The following NBEA variants were observed in gnomAD, a reference collection of about 807,000 sequenced individuals.
NBEA encodes the protein neurobeachin, also known as lysosomal-trafficking regulator 2.
Under a neutral mutation model 343.4 loss-of-function variants are expected in NBEA, and 44 were observed. The ratio of observed to expected loss-of-function variants is 0.13; its 90% confidence interval spans 0.10 to 0.16. The LOEUF (loss-of-function observed/expected upper bound fraction) is 0.16. Among genes scored for constraint, NBEA ranks in the 10% least tolerant of loss-of-function variants. The pLI, the probability that NBEA is intolerant of heterozygous loss-of-function variation, is 1.00. For missense variants in NBEA, 2,555 were observed against 3,631.3 expected (o/e 0.70, Z 7.62); for synonymous variants, 1,175 against 1,238.7 (o/e 0.95, Z 1.08).
chr13:35,360,923 CA>C lies in NBEA; in HGVS notation c.6179+8601del, dbSNP rs564577368. ...GAAGAAGAGGAGAAAGAAATTGGTA[CA>C]GAAACATTATTTACAGAAAAAATGG... On this transcript the variant is annotated intron_variant, in intron 38 of 58. Coordinates refer to ENST00000379939, the MANE Select transcript of NBEA (RefSeq NM_001385012.1). Among the ~76,000 whole-genome samples, 828 of 151,942 alleles carry C rather than the reference CA, an allele frequency of 5.4e-3. 2 individuals carry two copies. The highest frequency in any genetic ancestry group is 8.8e-3 in the Non-Finnish European group (594 of 67,876).
chr13:35,111,842 TGCGTGCTCACAATA>T (rs917750420), intron 13 of NBEA, among the ~76,000 whole-genome samples: 4 of 152,004 alleles, frequency 2.6e-5, no homozygotes, highest in African/African-American at 9.7e-5. Context: ...TACTTCCTTT[TGCGTGCTCACAATA>T]GCATTGAATA....
chr13:35,420,052 T>G (rs894496280), intron 38 of NBEA, among the ~76,000 whole-genome samples: 2 of 152,028 alleles, frequency 1.3e-5, no homozygotes, highest in Admixed American at 6.6e-5. Context: ...ACATAGACAG[T>G]CATGTTATCT....
chr13:35,436,525 A>G lies in NBEA; in HGVS notation c.6304+4132A>G, dbSNP rs544831302. 8.7e-4 allele frequency among the ~76,000 whole-genome samples: 133 copies of G among 152,246 alleles called. 2 individuals carry two copies. The highest frequency in any genetic ancestry group is 6.8e-3 in the Middle Eastern group (2 of 294). On this transcript the variant is annotated intron_variant, in intron 39 of 58. Transcript: ENST00000379939. ...GGAGATCAAGACCATCCTGGCTAAC[A>G]TGGTGAAACCCTGTCTCTACTAAAA...
rs369578899 is a variant in NBEA, at chr13:35,471,972, G to A, written c.6449-428G>A. ...CTTCTCGTCCTCTCGCCTCTCCTTG[G>A]GGAGCGCCGCTGCTGAGTGGAACGG... On this transcript the variant is annotated intron_variant, in intron 40 of 58. Coordinates refer to ENST00000379939, the MANE Select transcript of NBEA (RefSeq NM_001385012.1). 7.0e-4 allele frequency among the ~76,000 whole-genome samples: 107 copies of A among 152,190 alleles called. 2 individuals are homozygous for A. The South Asian group carries it at 0.022, about 31-fold the overall frequency.
chr13:35,312,404 C>T (rs1454222931), intron 36 of NBEA, among the ~76,000 whole-genome samples: 2 of 152,194 alleles, frequency 1.3e-5, no homozygotes, highest in South Asian at 2.1e-4. Context: ...AGAGGACTAG[C>T]GGCAAGAGAA....
At chr13:34,970,693 G>A (rs972566920) in intron 1 of NBEA, among the ~76,000 whole-genome samples, 1 of 151,962 alleles carries the variant, frequency 6.6e-6, no homozygotes. Flanking sequence ...ATAGTGGTAG[G>A]TGTGCATCAT....
chr13:35,418,251 A>G (rs2044059707), intron 38 of NBEA, among the ~76,000 whole-genome samples: 2 of 152,038 alleles, frequency 1.3e-5, no homozygotes, highest in African/African-American at 4.8e-5. Context: ...TTTAAAGTTA[A>G]TATTGTTATG....
At chr13:35,660,199 A>G (rs1281340444) in intron 55 of NBEA, among the ~76,000 whole-genome samples, 1 of 152,218 alleles carries the variant, frequency 6.6e-6, no homozygotes, top group Non-Finnish European at 1.5e-5. Flanking sequence ...CAATAGAGGC[A>G]AGTTAACATT....
At chr13:34,976,998 T>C (rs1318426665) in intron 1 of NBEA, among the ~76,000 whole-genome samples, 5 of 150,486 alleles carry the variant, frequency 3.3e-5, no homozygotes, top group Admixed American at 1.3e-4. Context: ...TAGAGTGCAG[T>C]GGTGCAATCT....
chr13:35,121,378 A>AT (rs1364506800), intron 16 of NBEA, among the ~76,000 whole-genome samples: 2 of 152,014 alleles, frequency 1.3e-5, no homozygotes, highest in Non-Finnish European at 2.9e-5. Context: ...AAGTGTTAGG[A>AT]TTACAGGCAT....
At chr13:35,659,922 A>G (rs931924072) in intron 55 of NBEA, among the ~76,000 whole-genome samples, 2 of 152,204 alleles carry the variant, frequency 1.3e-5, no homozygotes, top group Admixed American at 1.3e-4. Flanking sequence ...GCGCACTTTA[A>G]TTGGAAGCAG....
At chr13:35,223,564 C>T (rs1346653173) in intron 33 of NBEA, among the ~76,000 whole-genome samples, 1 of 152,068 alleles carries the variant, frequency 6.6e-6, no homozygotes, top group East Asian at 1.9e-4. Context: ...CAGATTTTCT[C>T]TTTATATTTG....
At chr13:35,213,938 C>G (rs891708950) in intron 33 of NBEA, among the ~76,000 whole-genome samples, 11 of 151,884 alleles carry the variant, frequency 7.2e-5, no homozygotes, top group African/African-American at 2.7e-4. Flanking sequence ...CACTGAAGTG[C>G]TTTTTAACAT....
chr13:34,992,159 G>A (rs553793782), intron 1 of NBEA, among the ~76,000 whole-genome samples: 133 of 147,698 alleles, frequency 9.0e-4, no homozygotes, highest in African/African-American at 2.7e-3. Context: ...ATTTCACCAA[G>A]TGTTTGAAAA....
chr13:35,230,448 TA>T (rs1363018723), intron 33 of NBEA, among the ~76,000 whole-genome samples: 1 of 152,142 alleles, frequency 6.6e-6, no homozygotes, highest in East Asian at 1.9e-4. Flanking sequence ...ATAATTTTTA[TA>T]ATTTTACTCT....
chr13:35,421,290 T>C (rs963304512), intron 38 of NBEA, among the ~76,000 whole-genome samples: 1 of 152,026 alleles, frequency 6.6e-6, no homozygotes, highest in Non-Finnish European at 1.5e-5. Flanking sequence ...TGGTCATTTT[T>C]TAGAATTCTG....
At chr13:35,527,965 C>A (rs1445057718) in intron 41 of NBEA, among the ~76,000 whole-genome samples, 1 of 152,134 alleles carries the variant, frequency 6.6e-6, no homozygotes, top group African/African-American at 2.4e-5. Flanking sequence ...CCATTGCTCT[C>A]CAGCCTGGGT....
chr13:35,400,117 G>A (rs1326028469), intron 38 of NBEA, among the ~76,000 whole-genome samples: 2 of 144,110 alleles, frequency 1.4e-5, no homozygotes, highest in Non-Finnish European at 3.0e-5. Flanking sequence ...ATGTGACAGA[G>A]ACACAGTGAG....
intron 33 of NBEA, among the ~76,000 whole-genome samples, chr13:35,213,622 T>A (rs1240136457): frequency 1.4e-5 from 2 of 143,634 alleles, no homozygotes; most frequent in Non-Finnish European, 1.6e-5. Flanking sequence ...CTTATTTTTT[T>A]TAGTAATGAT....
Sources: allele counts gnomAD v4.1 joint callset (sites outside exome capture counted in the v4.1 genomes callset), GRCh38; gene constraint gnomAD v4.1.1; transcripts MANE v1.5; gene names NCBI Gene and HGNC (gene_info 2026-07-23, HGNC 2026-07-21).